DECR2: variants seen among roughly 807,000 people sequenced by gnomAD.
The protein encoded by DECR2 is 2,4-dienoyl-CoA reductase 2.
Under a neutral mutation model 29.2 loss-of-function variants are expected in DECR2, and 34 were observed. That is an observed-to-expected ratio of 1.16 (90% CI 0.89 to 1.55). The LOEUF (loss-of-function observed/expected upper bound fraction) is 1.55. Among genes scored for constraint, DECR2 ranks in the 40% most tolerant of loss-of-function variants. DECR2 has a pLI of 0.00. For missense variants in DECR2, 485 were observed against 425.3 expected (o/e 1.14, Z -1.23); for synonymous variants, 224 against 182.7 (o/e 1.23, Z -1.82).
In DECR2 at chr16:411,540, G is replaced by A; in HGVS notation, c.841G>A (p.Gly281Arg). ...AWLTFPNGVK[G>R]LPDFASFSAK... is the part of the protein sequence containing the mutation. Reference sequence around the variant, plus strand: ...GTTGACGTTCCCAAACGGTGTCAAAGGGCTGCCGGATTTCGCATCCTTCTC... The same window carrying A: ...GTTGACGTTCCCAAACGGTGTCAAAAGGCTGCCGGATTTCGCATCCTTCTC... Residue 281 changes from glycine to arginine, a missense_variant, in exon 8 of 9, where the codon GGG (glycine) becomes AGG (arginine). Transcript: ENST00000219481. The A allele has an allele frequency of 1.2e-6, 2 of 1,613,932 alleles. No homozygotes were observed. The highest frequency in any genetic ancestry group is 1.7e-6 in the Non-Finnish European group (2 of 1,179,898).
intron 2 of DECR2, chr16:405,418 C>G: frequency 7.4e-6 from 6 of 813,106 alleles, no homozygotes; most frequent in South Asian, 7.2e-5. Flanking sequence ...GAAAGGGACC[C>G]TTCCTCAGTT....
chr16:404,205 TAAAA>T (rs974075877), intron 1 of DECR2, among the ~76,000 whole-genome samples: 2 of 143,092 alleles, frequency 1.4e-5, no homozygotes, highest in Non-Finnish European at 2.9e-5. Context: ...ATAAATTAAA[TAAAA>T]TACTATAATT....
At chr16:406,211 C>T in intron 2 of DECR2, 135 bp from the exon 3 acceptor site, 1 of 865,450 alleles carries the variant, frequency 1.2e-6, no homozygotes, top group Admixed American at 2.4e-5. Context: ...TGTTCACGCC[C>T]CTGTGCCCTC....
Position 405,141 on chromosome 16 carries a change from G to C in DECR2, c.149+117G>C, listed in dbSNP as rs577927125. The stretch of plus-strand genomic sequence containing the variant: ...GTAGATGTCCCCTGCTCACCTACCC[G>C]ACAGGATCCAGGTGCCTGCCAGAGG... On this transcript the variant is annotated intron_variant, in intron 2 of 8. Transcript: ENST00000219481. The C allele has an allele frequency of 2.5e-4, 323 of 1,283,822 alleles. 1 individual carries two copies. Among genetic ancestry groups the C allele is most frequent in the Middle Eastern group, 5.2e-4 (2 of 3,810 alleles). The allele number at this position is 1,283,822 out of a possible 1,614,324, so 79.5% of individuals were successfully genotyped here. A position where few individuals can be genotyped will look rare whatever the true frequency, so the allele number is the denominator to read the frequency against.
At position 412,158 on chromosome 16, in the gene DECR2, G is replaced by C. The variant is rs2054826084; in HGVS notation, c.*269G>C. The C allele has an allele frequency of 6.5e-6, 1 of 153,430 alleles. No homozygotes were observed. The highest frequency in any genetic ancestry group is 6.5e-5 in the Admixed American group (1 of 15,350). The allele number at this position is 153,430 out of a possible 1,614,324, so 9.5% of individuals were successfully genotyped here. A position where few individuals can be genotyped will look rare whatever the true frequency, so the allele number is the denominator to read the frequency against. Reference sequence around the variant, plus strand: ...GGTGGGGGTACAGACAAGATGCTGGGATGTCCCCTGCCCCATGGTCAAGGG... The same window carrying C: ...GGTGGGGGTACAGACAAGATGCTGGCATGTCCCCTGCCCCATGGTCAAGGG... On this transcript the variant is annotated 3_prime_UTR_variant, in exon 9 of 9. Transcript: ENST00000219481.
chr16:401,943 G>A lies in DECR2; in HGVS notation c.-21G>A. The A allele has an allele frequency of 1.4e-6, 2 of 1,478,700 alleles. No homozygotes were observed. The highest frequency in any genetic ancestry group is 1.8e-6 in the Non-Finnish European group (2 of 1,121,638). 91.6% of individuals were successfully genotyped at this position (1,478,700 alleles called of 1,614,324 possible). A position where few individuals can be genotyped will look rare whatever the true frequency, so the allele number is the denominator to read the frequency against. On this transcript the variant is annotated 5_prime_UTR_variant, in exon 1 of 9. Coordinates refer to ENST00000219481, the MANE Select transcript of DECR2 (RefSeq NM_020664.4). ...GAGGCCGCTCCCGCCCGTTGTCCCC[G>A]CAGTCCCCGACGGGAGCGCCATGGC...
chr16:409,226 C>T (rs2054780347), intron 4 of DECR2, among the ~76,000 whole-genome samples: 1 of 151,744 alleles, frequency 6.6e-6, no homozygotes, highest in Non-Finnish European at 1.5e-5. Context: ...GGCTGGAGTG[C>T]AGTGGCGCAA....
chr16:411,038 C>G lies in DECR2; in HGVS notation c.623C>G (p.Pro208Arg). ...AACATCCGCGTCAACAGCCTCGCCCCTGGCCCCATCAGTGGCACAGAGGGG... is the reference window on the plus strand; with the variant it reads ...AACATCCGCGTCAACAGCCTCGCCCGTGGCCCCATCAGTGGCACAGAGGGG... ...PQNIRVNSLA[P>R]GPISGTEGLR... Residue 208 changes from proline to arginine, a missense_variant, in exon 7 of 9, where the codon CCT (proline) becomes CGT (arginine). Coordinates refer to ENST00000219481, the MANE Select transcript of DECR2 (RefSeq NM_020664.4). The G allele has an allele frequency of 6.3e-7, 1 of 1,587,620 alleles. No homozygotes were observed. The highest frequency in any genetic ancestry group is 1.2e-5 in the South Asian group (1 of 86,488).
chr16:411,363 G>A lies in DECR2; in HGVS notation c.664G>A (p.Gly222Ser), dbSNP rs763443827. 2.5e-6 allele frequency: 4 copies of A among 1,605,316 alleles called. No individual in the cohort carries two copies. Among genetic ancestry groups the A allele is most frequent in the Non-Finnish European group, 3.4e-6 (4 of 1,178,648 alleles). ...CTGAGCCTTCTGCTGCCCTCCAGGT[G>A]GCCCTCAGGCCAGCCTGAGCACCAA... ...SGTEGLRRLG[G>S]PQASLSTKVT... Residue 222 changes from glycine (G) to serine (S), a missense_variant and splice_region_variant, in exon 8 of 9, where the codon GGC (glycine) becomes AGC (serine). Coordinates refer to ENST00000219481, the MANE Select transcript of DECR2 (RefSeq NM_020664.4).
chr16:405,650 C>T (rs754806606), intron 2 of DECR2: 36 of 1,263,218 alleles, frequency 2.8e-5, no homozygotes, highest in Non-Finnish European at 3.6e-5. Context: ...AGACAGATCC[C>T]GTTTGTCTGT....
chr16:410,506 C>T lies in DECR2; in HGVS notation c.462+139C>T. 7.1e-7 allele frequency: 1 copy of T among 1,399,762 alleles called. No individual in the cohort carries two copies. The highest frequency in any genetic ancestry group is 9.8e-7 in the Non-Finnish European group (1 of 1,018,578). The allele number at this position is 1,399,762 out of a possible 1,614,324, so 86.7% of individuals were successfully genotyped here. ...GGGTGTACTCCCAGCGGGGGCCTCC[C>T]CCTGACGGCCGCCCGCTCCCTGCCC... is the stretch of plus-strand genomic sequence containing the variant. On this transcript the variant is annotated intron_variant, in intron 5 of 8. Coordinates refer to ENST00000219481, the MANE Select transcript of DECR2 (RefSeq NM_020664.4). This position sits in a 1 kb window ranked among gnomAD's most constrained non-coding sequence, Gnocchi z 4.1.
chr16:410,951 A>AT lies in DECR2; in HGVS notation c.557-20dup, dbSNP rs765663302. The AT allele has an allele frequency of 2.5e-6, 4 of 1,581,124 alleles. No individual in the cohort carries two copies. Among genetic ancestry groups the AT allele is most frequent in the Non-Finnish European group, 3.4e-6 (4 of 1,163,764 alleles). On this transcript the variant is annotated intron_variant, in intron 6 of 8. Transcript: ENST00000219481. The surrounding 1 kb of genome is among the most constrained non-coding windows in gnomAD (Gnocchi z 4.1). ...GCAGAGGGCAGAGCGGCCCTTTCAT[A>AT]TCCAACTTTCTTCTGTGCAGACGCG...
chr16:410,042 C>T lies in DECR2; in HGVS notation c.338-201C>T. The T allele has an allele frequency of 1.5e-6, 1 of 668,686 alleles. No homozygotes were observed. The highest frequency in any genetic ancestry group is 2.4e-6 in the Non-Finnish European group (1 of 414,082). 41.4% of individuals were successfully genotyped at this position (668,686 alleles called of 1,614,324 possible). A position where few individuals can be genotyped will look rare whatever the true frequency, so the allele number is the denominator to read the frequency against. ...CGGAGCCAGGGCTTCAGCATGTCTTCTCTTCTCGGGGACACAGTGCAGCCA... is the reference window on the plus strand; with the variant it reads ...CGGAGCCAGGGCTTCAGCATGTCTTTTCTTCTCGGGGACACAGTGCAGCCA... On this transcript the variant is annotated intron_variant, in intron 4 of 8. Coordinates refer to ENST00000219481, the MANE Select transcript of DECR2 (RefSeq NM_020664.4). The surrounding 1 kb of genome is among the most constrained non-coding windows in gnomAD (Gnocchi z 4.1).
intron 7 of DECR2, 50 bp downstream of exon 7, chr16:411,126 CAG>C (rs1390095203): frequency 6.9e-7 from 1 of 1,446,372 alleles, no homozygotes; most frequent in Admixed American, 2.8e-5. Context: ...TCCTGGGGCA[CAG>C]GGTGCCCATG....
chr16:405,739 AC>A (rs1337986534), intron 2 of DECR2: 2 of 543,542 alleles, frequency 3.7e-6, no homozygotes, highest in Non-Finnish European at 6.5e-6. Flanking sequence ...CCATGCTGTT[AC>A]CCCCAGGCCC....
intron 3 of DECR2, chr16:406,641 G>A (rs1357469981): frequency 1.6e-6 from 1 of 639,134 alleles, no homozygotes. Context: ...GGGACTACAG[G>A]TGCCCGCCAC....
At chr16:405,335 C>A in intron 2 of DECR2, 1 of 543,066 alleles carries the variant, frequency 1.8e-6, no homozygotes, top group Non-Finnish European at 3.2e-6. Context: ...TCCTGGGACA[C>A]AATTCTGTGG....
chr16:406,150 A>G (rs1309137453), intron 2 of DECR2, among the ~76,000 whole-genome samples, 196 bp from the exon 3 acceptor site: 1 of 152,178 alleles, frequency 6.6e-6, no homozygotes, highest in East Asian at 1.9e-4. Context: ...GTCCCATGCC[A>G]GAAACCCCGG....
chr16:407,581 G>A, intron 4 of DECR2, 21 bp downstream of exon 4: 4 of 1,612,848 alleles, frequency 2.5e-6, no homozygotes, highest in South Asian at 1.1e-5. Flanking sequence ...GCTGAGTGAG[G>A]TTGGTGGCTT....
Sources: allele counts gnomAD v4.1 joint callset (sites outside exome capture counted in the v4.1 genomes callset), GRCh38; gene constraint gnomAD v4.1.1; non-coding constraint Gnocchi (gnomAD v3.1); transcripts MANE v1.5; gene names NCBI Gene and HGNC (gene_info 2026-07-23, HGNC 2026-07-21).